The following PINX1 variants were observed in gnomAD, a reference collection of about 807,000 sequenced individuals.
The protein encoded by PINX1 is PIN2 (TERF1) interacting telomerase inhibitor 1.
In PINX1, 34 loss-of-function variants were observed where a neutral mutation model predicts 25.4. That is an observed-to-expected ratio of 1.34 (90% CI 1.02 to 1.78). The LOEUF is 1.78. PINX1 is among the 40% of genes most tolerant of loss of function. The pLI, the probability that PINX1 is intolerant of heterozygous loss-of-function variation, is 0.00. For missense variants in PINX1, 592 were observed against 404.9 expected, an observed-to-expected ratio of 1.46 and a Z score of -3.97; for synonymous variants, 197 against 147.7, an observed-to-expected ratio of 1.33 and a Z score of -2.42.
At chr8:10,792,310 C>A (rs368943557) in intron 6 of PINX1, among the ~76,000 whole-genome samples, 1 of 151,986 alleles carries the variant, frequency 6.6e-6, no homozygotes, top group South Asian at 2.1e-4. Flanking sequence ...CTTACTGACC[C>A]TTTTGTCCTT....
chr8:10,790,440 G>A (rs963682031), intron 6 of PINX1, among the ~76,000 whole-genome samples: 2 of 152,124 alleles, frequency 1.3e-5, no homozygotes, highest in African/African-American at 4.8e-5. Flanking sequence ...GGAAGCAAGG[G>A]TGAGCCAGCA....
chr8:10,778,869 C>CTT (rs1801495546), intron 6 of PINX1, among the ~76,000 whole-genome samples: 1 of 152,160 alleles, frequency 6.6e-6, no homozygotes, highest in East Asian at 1.9e-4. Context: ...AGAGGGTGGG[C>CTT]TTTTACCCAT....
Position 10,826,190 on chromosome 8 carries a change from A to G in PINX1, c.356T>C (p.Ile119Thr), listed in dbSNP as rs1230644281. ...KSFSLEEKSK[I>T]SKNRVHYMKF... ...CATATAGTGAACACGGTTTTTGGAG[A>G]TTTTGGACTTTTCCTCAAGGCTAAA... is the stretch of plus-strand genomic sequence containing the variant. The change falls in exon 5 of 7, where the codon ATC becomes ACC. Residue 119 changes from isoleucine (I) to threonine (T), a missense_variant. Ile to Thr is a moderately conservative substitution (Grantham distance 89). Transcript: ENST00000314787. 6.3e-7 allele frequency: 1 copy of G among 1,596,716 alleles called. No homozygotes were observed.
intron 6 of PINX1, among the ~76,000 whole-genome samples, chr8:10,808,971 G>C (rs1001729139): frequency 6.6e-6 from 1 of 152,208 alleles, no homozygotes; most frequent in African/African-American, 2.4e-5. Flanking sequence ...ATATGAATTT[G>C]TTGGAAAACC....
intron 6 of PINX1, among the ~76,000 whole-genome samples, chr8:10,804,555 G>A (rs942412318): frequency 1.3e-5 from 2 of 152,066 alleles, no homozygotes; most frequent in Non-Finnish European, 2.9e-5. Flanking sequence ...GAGAAGAGCC[G>A]ATTTTGAGAA....
chr8:10,772,515 C>G (rs1022019692), intron 6 of PINX1, among the ~76,000 whole-genome samples: 3 of 152,200 alleles, frequency 2.0e-5, no homozygotes, highest in African/African-American at 7.2e-5. Context: ...TTTACACTCA[C>G]AAAAAGCTTT....
At chr8:10,803,093 T>C (rs1802321572) in intron 6 of PINX1, among the ~76,000 whole-genome samples, 1 of 152,200 alleles carries the variant, frequency 6.6e-6, no homozygotes, top group South Asian at 2.1e-4. Flanking sequence ...AAAACTTTTT[T>C]ATTGTGCAAA....
At position 10,765,399 on chromosome 8, in the gene PINX1, A is replaced by T. The variant is rs551061636; in HGVS notation, c.*2T>A. On this transcript the variant is annotated 3_prime_UTR_variant, in exon 7 of 7. Transcript: ENST00000314787. Reference sequence around the variant, plus strand: ...GGTCGGAAGGCCCCGGCTGGGAAGGATTCATTTGGAATCTTTCTTCTTCTT... The same window carrying T: ...GGTCGGAAGGCCCCGGCTGGGAAGGTTTCATTTGGAATCTTTCTTCTTCTT... 3.0e-5 allele frequency: 48 copies of T among 1,593,900 alleles called. No individual in the cohort carries two copies. In the South Asian group the frequency reaches 5.2e-4, roughly 17 times the overall value.
intron 6 of PINX1, among the ~76,000 whole-genome samples, chr8:10,808,425 T>G (rs714371): frequency 0.23 from 34,856 of 152,172 alleles, 4,164 homozygotes; most frequent in East Asian, 0.35. Context: ...CTTAATTTTT[T>G]TACATCTAGG....
Position 10,826,248 on chromosome 8 carries a change from T to C in PINX1, c.302-4A>G. On this transcript the variant is annotated splice_region_variant and splice_polypyrimidine_tract_variant and intron_variant, in intron 4 of 6. Transcript: ENST00000314787. The stretch of plus-strand genomic sequence containing the variant: ...TTTTCCTTCTTGTCCGAGGAATCTT[T>C]AAAAAAGATGAAAAAAATACATTAA... The C allele has an allele frequency of 1.3e-6, 2 of 1,493,776 alleles. No homozygotes were observed. The highest frequency in any genetic ancestry group is 1.8e-6 in the Non-Finnish European group (2 of 1,083,310). The allele number at this position is 1,493,776 out of a possible 1,614,324, so 92.5% of individuals were successfully genotyped here. A position where few individuals can be genotyped will look rare whatever the true frequency, so the allele number is the denominator to read the frequency against.
At position 10,831,708 on chromosome 8, in the gene PINX1, C is replaced by T. The variant is rs200933422; in HGVS notation, c.258G>A (p.Gln86=). ...NWIAHQDDFN[Q]LLAELNTCHG... The stretch of plus-strand genomic sequence containing the variant: ...GGCAAGTGTTCAGTTCGGCCAGAAG[C>T]TGGTTAAAATCATCCTGATGGGCAA... Residue 86 remains glutamine, a synonymous_variant, in exon 4 of 7, where the codon CAG becomes CAA. Coordinates refer to ENST00000314787, the MANE Select transcript of PINX1 (RefSeq NM_017884.6). 1.2e-4 allele frequency: 186 copies of T among 1,602,400 alleles called. No homozygotes were observed. In the African/African-American group the frequency reaches 1.7e-3, roughly 14 times the overall value.
intron 6 of PINX1, among the ~76,000 whole-genome samples, chr8:10,818,769 C>G (rs1797777551): frequency 6.6e-6 from 1 of 152,026 alleles, no homozygotes; most frequent in Non-Finnish European, 1.5e-5. Context: ...AGCTGTTGGG[C>G]AGAGCAAAGG....
chr8:10,804,688 A>T (rs1802381640), intron 6 of PINX1, among the ~76,000 whole-genome samples: 1 of 152,108 alleles, frequency 6.6e-6, no homozygotes, highest in African/African-American at 2.4e-5. Flanking sequence ...GAAGGAATGA[A>T]AAAGCAAGAT....
At chr8:10,776,975 T>C (rs1183197654) in intron 6 of PINX1, among the ~76,000 whole-genome samples, 1 of 152,238 alleles carries the variant, frequency 6.6e-6, no homozygotes, top group East Asian at 1.9e-4. Context: ...AATAAGCCAG[T>C]GTTTTCCTCC....
chr8:10,826,322 G>A (rs1469889664), intron 4 of PINX1, 78 bp from the exon 5 acceptor site: 3 of 746,852 alleles, frequency 4.0e-6, no homozygotes, highest in Non-Finnish European at 6.4e-6. Context: ...GGATAGTCTT[G>A]AAAGAAAATT....
At chr8:10,766,732 A>G (rs1300563891) in intron 6 of PINX1, among the ~76,000 whole-genome samples, 1 of 152,254 alleles carries the variant, frequency 6.6e-6, no homozygotes, top group Non-Finnish European at 1.5e-5. Context: ...TTAAATGAGT[A>G]TATCTCATTG....
intron 4 of PINX1, among the ~76,000 whole-genome samples, chr8:10,826,487 AT>A (rs1433768239): frequency 6.6e-6 from 1 of 152,242 alleles, no homozygotes; most frequent in Non-Finnish European, 1.5e-5. Context: ...CCCTCCAGAA[AT>A]TTAGAAAATC....
chr8:10,806,166 C>G (rs951008833), intron 6 of PINX1, among the ~76,000 whole-genome samples: 1 of 149,754 alleles, frequency 6.7e-6, no homozygotes, highest in Admixed American at 6.6e-5. Flanking sequence ...AGGGGCCACA[C>G]TAGTGCTGAG....
At chr8:10,815,910 G>C (rs1797681850) in intron 6 of PINX1, among the ~76,000 whole-genome samples, 1 of 152,210 alleles carries the variant, frequency 6.6e-6, no homozygotes, top group Non-Finnish European at 1.5e-5. Flanking sequence ...AGTAGATCAT[G>C]GAAACGACAA....
Sources: allele counts gnomAD v4.1 joint callset (sites outside exome capture counted in the v4.1 genomes callset), GRCh38; gene constraint gnomAD v4.1.1; transcripts MANE v1.5; gene names NCBI Gene and HGNC (gene_info 2026-07-23, HGNC 2026-07-21).